The following NCAM2 variants were observed in gnomAD, a reference collection of about 807,000 sequenced individuals.
The protein encoded by NCAM2 is neural cell adhesion molecule 2.
In NCAM2, 30 loss-of-function variants were observed where a neutral mutation model predicts 98.1. That is an observed-to-expected ratio of 0.31 (90% CI 0.23 to 0.41). The LOEUF (loss-of-function observed/expected upper bound fraction) is 0.41. Ranked by LOEUF, NCAM2 falls within the 10% of genes least tolerant of loss-of-function variation. The pLI, the probability that NCAM2 is intolerant of heterozygous loss-of-function variation, is 1.00. For synonymous variants in NCAM2, 368 were observed against 342.4 expected (o/e 1.07, Z -0.83); for missense variants, 867 against 1,005.8 (o/e 0.86, Z 1.87).
intron 16 of NCAM2, 120 bp downstream of exon 16, chr21:21,509,175 T>C (rs1438933806): frequency 1.2e-6 from 1 of 833,884 alleles, no homozygotes; most frequent in African/African-American, 1.7e-5. Flanking sequence ...TATGCAACAT[T>C]GGACACTGCA....
intron 15 of NCAM2, among the ~76,000 whole-genome samples, chr21:21,498,322 A>G (rs1987390208): frequency 6.6e-6 from 1 of 152,160 alleles, no homozygotes; most frequent in African/African-American, 2.4e-5. Flanking sequence ...CATAGAATTT[A>G]TCTCTTAAAA....
intron 9 of NCAM2, among the ~76,000 whole-genome samples, chr21:21,408,564 C>T (rs551186775): frequency 3.3e-5 from 5 of 151,950 alleles, no homozygotes; most frequent in African/African-American, 9.7e-5. Context: ...ATTCACAGCA[C>T]CAAAATGTTT....
intron 9 of NCAM2, among the ~76,000 whole-genome samples, chr21:21,376,827 T>C (rs566447782): frequency 1.3e-5 from 2 of 151,934 alleles, no homozygotes; most frequent in East Asian, 3.9e-4. Flanking sequence ...GAAAATTATG[T>C]AGTTTAGTTT....
Position 21,510,546 on chromosome 21 carries a change from C to A in NCAM2, c.2282+1491C>A, listed in dbSNP as rs557812343. On this transcript the variant is annotated intron_variant, in intron 16 of 17. Transcript: ENST00000400546. Reference sequence around the variant, plus strand: ...TTTTTATTGTTGAATCATTTATATTCTTTTTCTATGCATCTGTTGAAGCGT... The same window carrying A: ...TTTTTATTGTTGAATCATTTATATTATTTTTCTATGCATCTGTTGAAGCGT... Among the ~76,000 whole-genome samples, 10 of 152,008 alleles carry A rather than the reference C, an allele frequency of 6.6e-5. No individual in the cohort carries two copies. In the East Asian group the frequency reaches 1.9e-3, roughly 29 times the overall value.
intron 1 of NCAM2, among the ~76,000 whole-genome samples, chr21:21,266,991 C>T (rs2072308375): frequency 6.6e-6 from 1 of 152,100 alleles, no homozygotes; most frequent in Non-Finnish European, 1.5e-5. Context: ...TTTCATCACG[C>T]AGCTATTAAG....
intron 1 of NCAM2, among the ~76,000 whole-genome samples, chr21:21,057,270 G>A (rs2065230277): frequency 6.6e-6 from 1 of 152,102 alleles, no homozygotes; most frequent in Non-Finnish European, 1.5e-5. Context: ...TTGAGAAGAA[G>A]GAGGGTGATT....
chr21:21,230,026 GTTA>G (rs1432232521), intron 1 of NCAM2, among the ~76,000 whole-genome samples: 8 of 151,230 alleles, frequency 5.3e-5, no homozygotes, highest in Non-Finnish European at 7.4e-5. Flanking sequence ...GTAAGAGGTA[GTTA>G]TTATTATTCT....
chr21:21,067,938 A>C (rs2146351296), intron 1 of NCAM2, among the ~76,000 whole-genome samples: 1 of 152,184 alleles, frequency 6.6e-6, no homozygotes, highest in South Asian at 2.1e-4. Context: ...ACATTAAAAA[A>C]ACTGAATTTC....
Position 21,425,479 on chromosome 21 carries a change from C to T in NCAM2, c.1481-6629C>T, listed in dbSNP as rs998636922. Among the ~76,000 whole-genome samples, 6 of 151,774 alleles carry T rather than the reference C, an allele frequency of 4.0e-5. No individual in the cohort carries two copies. In the East Asian group the frequency reaches 7.7e-4, roughly 20 times the overall value. On this transcript the variant is annotated intron_variant, in intron 11 of 17. Transcript: ENST00000400546. ...CTAAAGATAAGTGAATCTGGGTGTC[C>T]GTGAGTTGTGAGAAGAGTCAAGACA...
At chr21:21,079,100 C>T (rs1193349837) in intron 1 of NCAM2, among the ~76,000 whole-genome samples, 2 of 152,078 alleles carry the variant, frequency 1.3e-5, no homozygotes, top group Admixed American at 6.6e-5. Context: ...CTTAAAACCT[C>T]GCTGAAGGGT....
At chr21:21,128,405 T>C (rs536792014) in intron 1 of NCAM2, among the ~76,000 whole-genome samples, 22 of 152,294 alleles carry the variant, frequency 1.4e-4, no homozygotes, top group African/African-American at 5.1e-4. Flanking sequence ...GAGAACTTTA[T>C]TGGCATACAA....
intron 9 of NCAM2, among the ~76,000 whole-genome samples, chr21:21,409,182 T>G (rs1452518600): frequency 6.6e-6 from 1 of 152,132 alleles, no homozygotes; most frequent in Non-Finnish European, 1.5e-5. Context: ...GGCAGGAAAT[T>G]GAGAGGTTAC....
At position 21,217,503 on chromosome 21, in the gene NCAM2, A is replaced by G. The variant is rs79710034; in HGVS notation, c.56-63075A>G. Among the ~76,000 whole-genome samples, 893 of 152,282 alleles carry G rather than the reference A, an allele frequency of 5.9e-3. 4 individuals carry two copies. Among genetic ancestry groups the G allele is most frequent in the Non-Finnish European group, 1.0e-2 (679 of 68,030 alleles). ...GAAAGGTGCTATAGAAATGAAAAAA[A>G]ATCTTAAAAACTAGTTTCTACATGT... is the stretch of plus-strand genomic sequence containing the variant. On this transcript the variant is annotated intron_variant, in intron 1 of 17. Coordinates refer to ENST00000400546, the MANE Select transcript of NCAM2 (RefSeq NM_004540.5).
At chr21:21,107,479 A>G (rs9980583) in intron 1 of NCAM2, among the ~76,000 whole-genome samples, 32,803 of 151,984 alleles carry the variant, frequency 0.22, 4,062 homozygotes, top group African/African-American at 0.33. Flanking sequence ...TTTTCTGAAA[A>G]GTGTCATTCC....
chr21:21,070,542 A>G (rs930931446), intron 1 of NCAM2, among the ~76,000 whole-genome samples: 1 of 152,092 alleles, frequency 6.6e-6, no homozygotes, highest in East Asian at 1.9e-4. Flanking sequence ...TAAGGAAAAC[A>G]TGAGTATTTA....
intron 1 of NCAM2, among the ~76,000 whole-genome samples, chr21:21,053,816 CTACT>C (rs1347981519): frequency 2.6e-5 from 4 of 151,354 alleles, no homozygotes; most frequent in East Asian, 1.9e-4. Flanking sequence ...TGTTCTTTTT[CTACT>C]TACTTATATG....
At position 21,293,176 on chromosome 21, in the gene NCAM2, T is replaced by A. The variant is rs188057001; in HGVS notation, c.619+935T>A. ...ACAGATTTTGTTGAACAATTTCATC[T>A]CCATTTTGGCAGTCTAATCTGTTAT... On this transcript the variant is annotated intron_variant, in intron 5 of 17. Coordinates refer to ENST00000400546, the MANE Select transcript of NCAM2 (RefSeq NM_004540.5). 8.5e-5 allele frequency among the ~76,000 whole-genome samples: 13 copies of A among 152,054 alleles called. No individual in the cohort carries two copies. The East Asian group carries it at 2.5e-3, about 30-fold the overall frequency.
chr21:21,293,244 T>G (rs1276241262), intron 5 of NCAM2, among the ~76,000 whole-genome samples: 1 of 151,854 alleles, frequency 6.6e-6, no homozygotes, highest in Non-Finnish European at 1.5e-5. Flanking sequence ...TCAAACATAC[T>G]CTATTTTCTC....
chr21:21,249,864 C>T (rs891635151), intron 1 of NCAM2, among the ~76,000 whole-genome samples: 3 of 152,070 alleles, frequency 2.0e-5, no homozygotes, highest in African/African-American at 7.2e-5. Flanking sequence ...TGAGATTAGA[C>T]TGCGGTAAAA....
Sources: gnomAD v4.1 joint callset for allele counts (sites outside exome capture counted in the v4.1 genomes callset) on GRCh38, gnomAD v4.1.1 for gene constraint, MANE v1.5 for transcripts, NCBI Gene and HGNC (gene_info 2026-07-23, HGNC 2026-07-21) for gene names.